Variants in EXOC6B observed in about 807,000 individuals in gnomAD.
EXOC6B encodes the protein SEC15 homolog B.
EXOC6B carries 54 observed loss-of-function variants against 113.5 expected under a neutral mutation model. That is an observed-to-expected ratio of 0.48 (90% CI 0.38 to 0.60). The LOEUF (loss-of-function observed/expected upper bound fraction) is 0.60, where lower values mean the gene tolerates loss of function less well. Ranked by LOEUF, EXOC6B falls within the 20% of genes least tolerant of loss-of-function variation. The pLI is 0.00. For missense variants in EXOC6B, 797 were observed against 977.5 expected (o/e 0.82, Z 2.46); for synonymous variants, 357 against 339.0 (o/e 1.05, Z -0.58).
intron 20 of EXOC6B, among the ~76,000 whole-genome samples, chr2:72,288,601 A>G (rs1266028254): frequency 6.6e-6 from 1 of 152,106 alleles, no homozygotes; most frequent in East Asian, 1.9e-4. Context: ...GCTAGACATA[A>G]AAGAGTAGAT....
intron 18 of EXOC6B, among the ~76,000 whole-genome samples, chr2:72,455,085 G>A (rs954356466): frequency 6.6e-6 from 1 of 152,028 alleles, no homozygotes; most frequent in Non-Finnish European, 1.5e-5. Flanking sequence ...CTTGAATCTT[G>A]GATCTACCTA....
At chr2:72,749,808 T>C (rs1481589482) in intron 1 of EXOC6B, among the ~76,000 whole-genome samples, 1 of 151,908 alleles carries the variant, frequency 6.6e-6, no homozygotes, top group Admixed American at 6.6e-5. Context: ...TGGTTAACAC[T>C]AGTATGGTAG....
chr2:72,443,969 G>A (rs904032706), intron 18 of EXOC6B, among the ~76,000 whole-genome samples: 3 of 152,106 alleles, frequency 2.0e-5, no homozygotes, highest in Non-Finnish European at 4.4e-5. Context: ...GTCCCCCAAA[G>A]TCTTAACTCA....
chr2:72,823,510 A>G (rs1240283036), intron 1 of EXOC6B, among the ~76,000 whole-genome samples: 1 of 148,392 alleles, frequency 6.7e-6, no homozygotes, highest in East Asian at 2.0e-4. Flanking sequence ...GTGGCCAGGC[A>G]CAGTGGCTCA....
chr2:72,401,597 A>ATG lies in EXOC6B; in HGVS notation c.1981-21728_1981-21727insCA, dbSNP rs1573036778. Among the ~76,000 whole-genome samples the ATG allele has an allele frequency of 1.2e-4, 5 of 41,402 alleles. 1 individual carries two copies. The East Asian group carries it at 1.8e-3, about 15-fold the overall frequency. 27.2% of individuals were successfully genotyped at this position (41,402 alleles called of 152,430 possible). A position where few individuals can be genotyped will look rare whatever the true frequency, so the allele number is the denominator to read the frequency against. The stretch of plus-strand genomic sequence containing the variant: ...TATATATATACATATATATATATAT[A>ATG]TATATGTGTATATATATATATATAC... On this transcript the variant is annotated intron_variant, in intron 18 of 21. Transcript: ENST00000272427.
chr2:72,687,368 T>C (rs1677165847), intron 6 of EXOC6B, among the ~76,000 whole-genome samples: 1 of 152,208 alleles, frequency 6.6e-6, no homozygotes, highest in South Asian at 2.1e-4. Flanking sequence ...ATGTTTTCTT[T>C]GGTGAACACT....
At chr2:72,251,715 CA>C (rs1247843679) in intron 20 of EXOC6B, among the ~76,000 whole-genome samples, 1 of 152,136 alleles carries the variant, frequency 6.6e-6, no homozygotes, top group African/African-American at 2.4e-5. Context: ...CATGCAATGA[CA>C]ATGATTTAGT....
chr2:72,511,339 C>T (rs972890179), intron 11 of EXOC6B, among the ~76,000 whole-genome samples: 1 of 152,112 alleles, frequency 6.6e-6, no homozygotes, highest in Non-Finnish European at 1.5e-5. Flanking sequence ...CTAACACTAT[C>T]ATCCAAGAAA....
intron 1 of EXOC6B, among the ~76,000 whole-genome samples, chr2:72,761,323 C>T (rs1238171406): frequency 6.6e-6 from 1 of 152,126 alleles, no homozygotes; most frequent in Admixed American, 6.5e-5. Context: ...CACAGGTGAA[C>T]TCTAAACTCA....
chr2:72,354,046 T>A (rs1689827446), intron 19 of EXOC6B, among the ~76,000 whole-genome samples: 3 of 152,134 alleles, frequency 2.0e-5, no homozygotes, highest in Admixed American at 6.6e-5. Context: ...AAACCATGTA[T>A]CAGGAAAATG....
intron 1 of EXOC6B, among the ~76,000 whole-genome samples, chr2:72,783,185 G>GTT (rs1465474116): frequency 3.0e-5 from 4 of 133,624 alleles, no homozygotes; most frequent in African/African-American, 1.4e-4. Flanking sequence ...TGTTTGTTGG[G>GTT]GTTTTTTTTT....
At chr2:72,372,155 G>C (rs1295700845) in intron 19 of EXOC6B, among the ~76,000 whole-genome samples, 2 of 152,050 alleles carry the variant, frequency 1.3e-5, no homozygotes, top group African/African-American at 4.8e-5. Context: ...ACTGATGAAA[G>C]AAATTAAAGA....
chr2:72,463,592 CCA>C (rs1697849533), intron 18 of EXOC6B: 1 of 152,052 alleles, frequency 6.6e-6, no homozygotes, highest in South Asian at 2.1e-4. Flanking sequence ...GACTAGAGTG[CCA>C]CAGTTAGAGG....
At chr2:72,379,320 T>C (rs1438563121) in intron 19 of EXOC6B, among the ~76,000 whole-genome samples, 1 of 152,246 alleles carries the variant, frequency 6.6e-6, no homozygotes, top group African/African-American at 2.4e-5. Context: ...TTAATGCACA[T>C]ACCATTTGTT....
At chr2:72,467,281 G>A (rs1467505705) in intron 17 of EXOC6B, among the ~76,000 whole-genome samples, 2 of 152,176 alleles carry the variant, frequency 1.3e-5, no homozygotes, top group African/African-American at 2.4e-5. Flanking sequence ...TGTGGAAAAT[G>A]TTACAATGAA....
At position 72,495,482 on chromosome 2, in the gene EXOC6B, T is replaced by C; in HGVS notation, c.1501A>G (p.Ile501Val). Residue 501 changes from isoleucine to valine, a missense_variant, in exon 15 of 22, where the codon ATT (isoleucine) becomes GTT (valine). Ile to Val is a conservative substitution (Grantham distance 29, BLOSUM62 3). Transcript: ENST00000272427. The stretch of plus-strand genomic sequence containing the variant: ...AGACAAGCGTAGATAAATTCTTTAA[T>C]TTGGTTGTAAACTTTTGGCACAAAT... ...SEFVPKVYNQ[I>V]KEFIYACLKF... 2 of 1,609,644 alleles carry C rather than the reference T, an allele frequency of 1.2e-6. No homozygotes were observed. Among genetic ancestry groups the C allele is most frequent in the Non-Finnish European group, 8.5e-7 (1 of 1,177,812 alleles).
At chr2:72,620,100 C>T (rs111563008) in intron 6 of EXOC6B, among the ~76,000 whole-genome samples, 4 of 152,358 alleles carry the variant, frequency 2.6e-5, no homozygotes, top group African/African-American at 7.2e-5. Context: ...CCCAGTCCTT[C>T]GAGGAAGCTG....
intron 20 of EXOC6B, among the ~76,000 whole-genome samples, chr2:72,256,680 A>C (rs1683372290): frequency 6.6e-6 from 1 of 152,166 alleles, no homozygotes. Flanking sequence ...CCCTCATCAC[A>C]CTGCCCCTAC....
chr2:72,650,164 G>A (rs1674056222), intron 6 of EXOC6B, among the ~76,000 whole-genome samples: 1 of 152,214 alleles, frequency 6.6e-6, no homozygotes, highest in African/African-American at 2.4e-5. Context: ...TCTAGGTTGT[G>A]TGCTCCTTAT....
Sources: allele counts gnomAD v4.1 joint callset (sites outside exome capture counted in the v4.1 genomes callset), GRCh38; gene constraint gnomAD v4.1.1; transcripts MANE v1.5; gene names NCBI Gene and HGNC (gene_info 2026-07-23, HGNC 2026-07-21).